CAAP1: variants seen among roughly 807,000 people sequenced by gnomAD.
The protein encoded by CAAP1 is caspase activity and apoptosis inhibitor 1, also known as conserved anti-apoptotic protein.
Under a neutral mutation model 34.0 loss-of-function variants are expected in CAAP1, and 20 were observed. The ratio of observed to expected loss-of-function variants is 0.59; its 90% CI spans 0.41 to 0.86. The LOEUF (loss-of-function observed/expected upper bound fraction) is 0.86, where lower values mean the gene tolerates loss of function less well. CAAP1 is among the 40% of genes least tolerant of loss of function. The probability of loss-of-function intolerance (pLI) is 0.00; values close to 1 mark genes in which losing one functional copy is unlikely to be tolerated. For missense variants in CAAP1, 538 were observed against 450.5 expected, an observed-to-expected ratio of 1.19 and a Z score of -1.76; for synonymous variants, 213 against 166.7, an observed-to-expected ratio of 1.28 and a Z score of -2.14.
At chr9:26,869,724 G>A (rs922306322) in intron 4 of CAAP1, among the ~76,000 whole-genome samples, 1 of 152,154 alleles carries the variant, frequency 6.6e-6, no homozygotes, top group Non-Finnish European at 1.5e-5. Flanking sequence ...CTCTTGGTAA[G>A]CCAACAGTTT....
rs1822485300 is a variant in CAAP1 at position 26,841,762 on chromosome 9, A to G, written c.*539T>C. On this transcript the variant is annotated 3_prime_UTR_variant, in exon 6 of 6. Transcript: ENST00000333916. The stretch of plus-strand genomic sequence containing the variant: ...TAAATTAATTCCTTCCTTTAATAAA[A>G]AAGTTTTTCTCAGTCATTTCAGATC... 6.6e-6 allele frequency: 1 copy of G among 152,614 alleles called. No individual in the cohort carries two copies. Among genetic ancestry groups the G allele is most frequent in the Non-Finnish European group, 1.5e-5 (1 of 68,020 alleles). 9.5% of individuals were successfully genotyped at this position (152,614 alleles called of 1,614,324 possible). A position where few individuals can be genotyped will look rare whatever the true frequency, so the allele number is the denominator to read the frequency against.
intron 1 of CAAP1, among the ~76,000 whole-genome samples, chr9:26,891,520 A>G (rs980876066): frequency 1.3e-5 from 2 of 152,176 alleles, no homozygotes; most frequent in Non-Finnish European, 2.9e-5. Flanking sequence ...CTCTCCCAAC[A>G]TAACTCTTGT....
In CAAP1 at chr9:26,840,708, C is replaced by T. The variant is rs1822457066; in HGVS notation, c.*1593G>A. 2 of 152,180 alleles carry T rather than the reference C, an allele frequency of 1.3e-5. No homozygotes were observed. Among genetic ancestry groups the T allele is most frequent in the African/African-American group, 2.4e-5 (1 of 41,440 alleles). 9.4% of individuals were successfully genotyped at this position (152,180 alleles called of 1,614,324 possible). Reference sequence around the variant, plus strand: ...GCTTCATGAAGGTGGAGACTTTAATCATCTACAAAGCCCTCAGACCTGTTT... The same window carrying T: ...GCTTCATGAAGGTGGAGACTTTAATTATCTACAAAGCCCTCAGACCTGTTT... On this transcript the variant is annotated 3_prime_UTR_variant, in exon 6 of 6. Coordinates refer to ENST00000333916, the MANE Select transcript of CAAP1 (RefSeq NM_024828.4).
At position 26,864,522 on chromosome 9, in the gene CAAP1, A is replaced by C. The variant is rs111690805; in HGVS notation, c.666-3383T>G. On this transcript the variant is annotated intron_variant, in intron 4 of 5. Transcript: ENST00000333916. ...TCTGTTTCCTCTGCTCAAATAATATAAATCAAACGATCAGTTACCACACCC... is the reference window on the plus strand; with the variant it reads ...TCTGTTTCCTCTGCTCAAATAATATCAATCAAACGATCAGTTACCACACCC... Among the ~76,000 whole-genome samples the C allele has an allele frequency of 7.9e-5, 12 of 152,290 alleles. 2 individuals are homozygous for C. Among genetic ancestry groups the C allele is most frequent in the African/African-American group, 2.9e-4 (12 of 41,558 alleles).
At chr9:26,887,872 A>C (rs1823789988) in intron 1 of CAAP1, among the ~76,000 whole-genome samples, 1 of 152,212 alleles carries the variant, frequency 6.6e-6, no homozygotes, top group African/African-American at 2.4e-5. Flanking sequence ...ACTGTACTTA[A>C]ATTCATATAA....
At chr9:26,861,215 T>A (rs1822996663) in intron 4 of CAAP1, 76 bp from the exon 5 acceptor site, 1 of 1,051,052 alleles carries the variant, frequency 9.5e-7, no homozygotes, top group South Asian at 1.3e-5. Flanking sequence ...TTCCCAGAAT[T>A]AAGTTAGGCA....
Position 26,884,822 on chromosome 9 carries a change from T to G in CAAP1, c.653A>C (p.Asp218Ala), listed in dbSNP as rs1823689116. The G allele has an allele frequency of 2.5e-6, 4 of 1,607,920 alleles. 1 individual carries two copies. In the South Asian group the frequency reaches 4.4e-5, roughly 18 times the overall value. Residue 218 changes from aspartate (D) to alanine (A), a missense_variant, in exon 4 of 6, where the codon GAT (aspartate) becomes GCT (alanine). By Grantham distance (126) the Asp-to-Ala change is moderately radical. This residue lies in a region of CAAP1 where 514 missense variants were observed against 408.4 expected (regional missense o/e 1.26). Coordinates refer to ENST00000333916, the MANE Select transcript of CAAP1 (RefSeq NM_024828.4). ...TTTTTAAACTTACTGACTGACTAAA[T>G]CAGATCCCATCTTAGAACCATCATC... ...EADDGSKMGS[D>A]LVSQQDICID...
chr9:26,857,926 T>C (rs1364623263), intron 5 of CAAP1, among the ~76,000 whole-genome samples: 1 of 152,222 alleles, frequency 6.6e-6, no homozygotes, highest in African/African-American at 2.4e-5. Context: ...TTGTGTATTA[T>C]TCAAGCAATA....
intron 5 of CAAP1, among the ~76,000 whole-genome samples, chr9:26,845,926 C>G (rs1243329955): frequency 6.6e-6 from 1 of 151,882 alleles, no homozygotes; most frequent in East Asian, 1.9e-4. Flanking sequence ...TTGTTTATTT[C>G]TCTAACAGAT....
intron 5 of CAAP1, among the ~76,000 whole-genome samples, chr9:26,858,330 T>C (rs1207791177): frequency 2.2e-4 from 33 of 152,256 alleles, no homozygotes; most frequent in Admixed American, 2.2e-3. Context: ...TTTCTATTTC[T>C]TGATATACCT....
At chr9:26,885,698 T>C (rs749640827) in intron 3 of CAAP1, among the ~76,000 whole-genome samples, 1 of 152,276 alleles carries the variant, frequency 6.6e-6, no homozygotes, top group East Asian at 1.9e-4. Flanking sequence ...CATGGAAGTA[T>C]TCTAACTCTA....
intron 5 of CAAP1, among the ~76,000 whole-genome samples, chr9:26,859,647 A>C (rs1822959396): frequency 6.6e-6 from 1 of 152,208 alleles, no homozygotes; most frequent in African/African-American, 2.4e-5. Context: ...GATTATGATT[A>C]TATTATATAA....
At chr9:26,848,226 T>C (rs1376948745) in intron 5 of CAAP1, among the ~76,000 whole-genome samples, 2 of 152,214 alleles carry the variant, frequency 1.3e-5, no homozygotes, top group African/African-American at 4.8e-5. Context: ...TAACAGTTCT[T>C]ATATGTGGCC....
At chr9:26,891,913 G>A (rs1823912647) in intron 1 of CAAP1, among the ~76,000 whole-genome samples, 1 of 152,166 alleles carries the variant, frequency 6.6e-6, no homozygotes, top group African/African-American at 2.4e-5. Context: ...TTGGCAGACT[G>A]GTGGCGTATA....
At chr9:26,850,900 A>G (rs1279727067) in intron 5 of CAAP1, among the ~76,000 whole-genome samples, 1 of 152,254 alleles carries the variant, frequency 6.6e-6, no homozygotes, top group Admixed American at 6.5e-5. Flanking sequence ...AATGCAAATG[A>G]TTCAGTAAAG....
intron 4 of CAAP1, among the ~76,000 whole-genome samples, chr9:26,882,989 T>C (rs1298700424): frequency 6.6e-6 from 1 of 152,170 alleles, no homozygotes; most frequent in African/African-American, 2.4e-5. Flanking sequence ...ATCCAATGCC[T>C]GTATCCCCAT....
chr9:26,862,517 C>T (rs948461457), intron 4 of CAAP1, among the ~76,000 whole-genome samples: 1 of 151,850 alleles, frequency 6.6e-6, no homozygotes, highest in Non-Finnish European at 1.5e-5. Flanking sequence ...ATATAATATT[C>T]TAGCTGAGAA....
At chr9:26,849,597 C>T (rs75356057) in intron 5 of CAAP1, among the ~76,000 whole-genome samples, 5,404 of 151,232 alleles carry the variant, frequency 0.036, 159 homozygotes, top group South Asian at 0.098. Context: ...TTATATTTTA[C>T]CTCAGGCCCA....
chr9:26,866,293 T>C (rs1823137360), intron 4 of CAAP1, among the ~76,000 whole-genome samples: 1 of 152,212 alleles, frequency 6.6e-6, no homozygotes, highest in South Asian at 2.1e-4. Flanking sequence ...AAGACATTAT[T>C]ATATGGAAGA....
Sources: gnomAD v4.1 joint callset for allele counts (sites outside exome capture counted in the v4.1 genomes callset) on GRCh38, gnomAD v4.1.1 for gene constraint, gnomAD v4.1.1 regional missense constraint, MANE v1.5 for transcripts, NCBI Gene and HGNC (gene_info 2026-07-23, HGNC 2026-07-21) for gene names.